PDE8B: variants seen among roughly 807,000 people sequenced by gnomAD.
PDE8B encodes phosphodiesterase 8B.
A neutral mutation model predicts 101.3 loss-of-function variants in PDE8B; 26 were observed. That is an observed-to-expected ratio of 0.26 (90% CI 0.19 to 0.36). The LOEUF is 0.36. Among genes scored for constraint, PDE8B ranks in the 10% least tolerant of loss-of-function variants. The pLI, the probability that PDE8B is intolerant of heterozygous loss-of-function variation, is 1.00. For missense variants in PDE8B, 810 were observed against 1,163.1 expected, an observed-to-expected ratio of 0.70 and a Z score of 4.42; for synonymous variants, 424 against 429.3, an observed-to-expected ratio of 0.99 and a Z score of 0.15.
the PDE8B span, chr5:77,147,026 G>A: frequency 4.4e-6 from 2 of 457,692 alleles, no homozygotes; most frequent in East Asian, 6.1e-5. Flanking sequence ...TGAAGCTGAA[G>A]GAAAAATATG....
At chr5:77,276,854 G>C (rs997125564) in intron 1 of PDE8B, among the ~76,000 whole-genome samples, 2 of 152,196 alleles carry the variant, frequency 1.3e-5, no homozygotes, top group Non-Finnish European at 2.9e-5. Flanking sequence ...ACTGTGAAGT[G>C]TCCTTACAGT....
intron 11 of PDE8B, among the ~76,000 whole-genome samples, chr5:77,401,225 T>A (rs1285287591): frequency 6.6e-6 from 1 of 152,190 alleles, no homozygotes. Context: ...CAGGCTGGGA[T>A]AACATAATGA....
the PDE8B span, among the ~76,000 whole-genome samples, chr5:77,189,707 C>A: frequency 6.6e-5 from 10 of 152,050 alleles, no homozygotes; most frequent in African/African-American, 2.2e-4. Flanking sequence ...GAGCTGAGGG[C>A]AGAGAGGTTG....
chr5:77,333,658 G>A (rs569771057), intron 5 of PDE8B, among the ~76,000 whole-genome samples: 6 of 152,324 alleles, frequency 3.9e-5, no homozygotes, highest in African/African-American at 1.2e-4. Flanking sequence ...CATCTGAAGC[G>A]ATAGCATCTT....
chr5:77,303,061 A>T (rs1770335825), intron 1 of PDE8B, among the ~76,000 whole-genome samples: 1 of 152,228 alleles, frequency 6.6e-6, no homozygotes, highest in African/African-American at 2.4e-5. Context: ...CTGGAAAAAT[A>T]AAAAGCATGT....
rs138511945 is a variant in PDE8B, at chr5:77,427,819, G to A, written c.*1265G>A. On this transcript the variant is annotated 3_prime_UTR_variant, in exon 22 of 22. Transcript: ENST00000264917. ...CTATGTATTATAAATATTAGACTCC[G>A]TAAACAAACTTCATTTTTCTTTCTC... 130 of 152,162 alleles carry A rather than the reference G, an allele frequency of 8.5e-4. No homozygotes were observed. The highest frequency in any genetic ancestry group is 2.6e-3 in the African/African-American group (109 of 41,512). The allele number at this position is 152,162 out of a possible 1,614,324, so 9.4% of individuals were successfully genotyped here.
At chr5:77,114,849 A>G in the PDE8B span, 1 of 152,230 alleles carries the variant, frequency 6.6e-6, no homozygotes, top group Non-Finnish European at 1.5e-5. Flanking sequence ...CAATGGTACC[A>G]TTTTAGCACA....
At chr5:77,163,738 A>C in the PDE8B span, among the ~76,000 whole-genome samples, 1 of 152,346 alleles carries the variant, frequency 6.6e-6, no homozygotes, top group East Asian at 1.9e-4. Context: ...GCAAATTAAT[A>C]AGGCTTCATG....
chr5:77,141,361 TTAAC>T, the PDE8B span: 1 of 152,206 alleles, frequency 6.6e-6, no homozygotes, highest in African/African-American at 2.4e-5. Context: ...TCATTTAACA[TTAAC>T]GACCTTCAAG....
chr5:77,211,351 G>C lies in PDE8B; in HGVS notation c.339+87G>C, dbSNP rs1748352463. The C allele has an allele frequency of 3.9e-6, 5 of 1,292,860 alleles. No homozygotes were observed. The highest frequency in any genetic ancestry group is 5.3e-6 in the Non-Finnish European group (5 of 951,534). The allele number at this position is 1,292,860 out of a possible 1,614,324, so 80.1% of individuals were successfully genotyped here. On this transcript the variant is annotated intron_variant, in intron 1 of 21. Coordinates refer to ENST00000264917, the MANE Select transcript of PDE8B (RefSeq NM_003719.5). This position sits in a 1 kb window ranked among gnomAD's most constrained non-coding sequence, Gnocchi z 4.1. ...GGGTAGGGGGCTCCGGCGGAGTTGG[G>C]TGACCGTGAGGCGGTTGGTTTGGAG...
chr5:77,422,706 G>A (rs1387997090), intron 20 of PDE8B, among the ~76,000 whole-genome samples: 1 of 150,564 alleles, frequency 6.6e-6, no homozygotes, highest in Admixed American at 6.7e-5. Context: ...CCAGAGAAGA[G>A]ACTCTAAGCA....
chr5:77,126,298 A>T, the PDE8B span, among the ~76,000 whole-genome samples: 1 of 152,082 alleles, frequency 6.6e-6, no homozygotes, highest in Non-Finnish European at 1.5e-5. Context: ...AAAAAAAAAA[A>T]GTTAGTTACT....
chr5:77,192,485 G>C, the PDE8B span, among the ~76,000 whole-genome samples: 1 of 152,202 alleles, frequency 6.6e-6, no homozygotes, highest in Non-Finnish European at 1.5e-5. Flanking sequence ...ATTCATACAT[G>C]CTGTTGTGTA....
chr5:77,398,457 G>C (rs1434014927), intron 10 of PDE8B, among the ~76,000 whole-genome samples: 1 of 151,440 alleles, frequency 6.6e-6, no homozygotes, highest in Non-Finnish European at 1.5e-5. Flanking sequence ...GAGTAAGCTG[G>C]GACTACAGGC....
chr5:77,313,388 T>C (rs1227229639), intron 2 of PDE8B, among the ~76,000 whole-genome samples: 3 of 152,128 alleles, frequency 2.0e-5, no homozygotes, highest in East Asian at 3.8e-4. Flanking sequence ...CAGCCACAAC[T>C]ATTTGTATAG....
chr5:77,427,584 T>C lies in PDE8B; in HGVS notation c.*1030T>C, dbSNP rs1306846184. On this transcript the variant is annotated 3_prime_UTR_variant, in exon 22 of 22. Transcript: ENST00000264917. The stretch of plus-strand genomic sequence containing the variant: ...CAGTCTATATTTGAAATCATGCCAT[T>C]AGCTTTAACAATGTTAAAATTGTGT... 1 of 152,180 alleles carries C rather than the reference T, an allele frequency of 6.6e-6. No individual in the cohort carries two copies. Among genetic ancestry groups the C allele is most frequent in the African/African-American group, 2.4e-5 (1 of 41,454 alleles). 9.4% of individuals were successfully genotyped at this position (152,180 alleles called of 1,614,324 possible). A position where few individuals can be genotyped will look rare whatever the true frequency, so the allele number is the denominator to read the frequency against.
chr5:77,090,508 T>C, the PDE8B span, among the ~76,000 whole-genome samples: 69,878 of 152,052 alleles, frequency 0.46, 18,341 homozygotes, highest in African/African-American at 0.73. Context: ...CTCCTGACCT[T>C]GTGATACACC....
chr5:77,172,613 T>A, the PDE8B span, among the ~76,000 whole-genome samples: 1 of 152,218 alleles, frequency 6.6e-6, no homozygotes, highest in South Asian at 2.1e-4. Flanking sequence ...ATCCATTTAT[T>A]TATCCAGTGA....
At chr5:77,324,012 T>C (rs369069244) in intron 2 of PDE8B, among the ~76,000 whole-genome samples, 9 of 152,136 alleles carry the variant, frequency 5.9e-5, no homozygotes, top group African/African-American at 2.2e-4. Flanking sequence ...TAGTAATGAT[T>C]GGACAATTTG....
Sources: allele counts gnomAD v4.1 joint callset (sites outside exome capture counted in the v4.1 genomes callset), GRCh38; gene constraint gnomAD v4.1.1; non-coding constraint Gnocchi (gnomAD v3.1); transcripts MANE v1.5; gene names NCBI Gene and HGNC (gene_info 2026-07-23, HGNC 2026-07-21).